Variants in SIDT1 observed in about 807,000 individuals in gnomAD.
The protein encoded by SIDT1 is SID1 transmembrane family, member 1.
In SIDT1, 101 loss-of-function variants were observed where a neutral mutation model predicts 107.5. That is an observed-to-expected ratio of 0.94 (90% CI 0.80 to 1.11). The LOEUF (loss-of-function observed/expected upper bound fraction) is 1.11. Among genes scored for constraint, SIDT1 ranks in the 50% least tolerant of loss-of-function variants. SIDT1 has a pLI of 0.00. For synonymous variants in SIDT1, 395 were observed against 398.2 expected (o/e 0.99, Z 0.10); for missense variants, 1,076 against 1,058.2 (o/e 1.02, Z -0.23).
intron 1 of SIDT1, among the ~76,000 whole-genome samples, chr3:113,539,746 TA>T (rs1389410413): frequency 6.6e-6 from 1 of 152,118 alleles, no homozygotes; most frequent in African/African-American, 2.4e-5. Context: ...TTATAAGGAA[TA>T]AAAAGGTTAT....
At chr3:113,560,162 T>G (rs1330919739) in intron 1 of SIDT1, among the ~76,000 whole-genome samples, 2 of 152,110 alleles carry the variant, frequency 1.3e-5, no homozygotes, top group African/African-American at 4.8e-5. Flanking sequence ...CCTTCCCAGA[T>G]GTAAGGTTTT....
chr3:113,541,925 CTTT>C (rs34308658), intron 1 of SIDT1, among the ~76,000 whole-genome samples: 5 of 128,208 alleles, frequency 3.9e-5, no homozygotes, highest in Non-Finnish European at 3.3e-5. Context: ...CTTTTTCTTT[CTTT>C]TTTTTTTTTT....
chr3:113,564,328 A>T (rs1056603868), intron 1 of SIDT1, among the ~76,000 whole-genome samples: 1 of 152,260 alleles, frequency 6.6e-6, no homozygotes. Context: ...AACAATTATT[A>T]AAACTGGATG....
At chr3:113,581,654 C>T (rs1291013751) in intron 6 of SIDT1, 2 of 509,706 alleles carry the variant, frequency 3.9e-6, no homozygotes, top group African/African-American at 3.9e-5. Flanking sequence ...GAGCGGATCA[C>T]CTAAAGTCAG....
At chr3:113,567,049 TA>T (rs936439884) in intron 2 of SIDT1, among the ~76,000 whole-genome samples, 19 of 152,200 alleles carry the variant, frequency 1.2e-4, no homozygotes, top group African/African-American at 3.4e-4. Context: ...ACTGCACTAA[TA>T]AAAAAAACTT....
intron 11 of SIDT1, among the ~76,000 whole-genome samples, chr3:113,602,199 T>C (rs1398430796): frequency 1.3e-5 from 2 of 152,214 alleles, no homozygotes; most frequent in African/African-American, 2.4e-5. Context: ...ATCCTAGACC[T>C]GTCTTGTTAG....
downstream of SIDT1, among the ~76,000 whole-genome samples, chr3:113,630,881 C>T (rs1034654275): frequency 1.3e-5 from 2 of 151,166 alleles, no homozygotes; most frequent in African/African-American, 4.9e-5. Flanking sequence ...AGTCTGGGAT[C>T]TCTCTCCTCC....
chr3:113,591,925 G>A (rs1032164278), intron 9 of SIDT1, among the ~76,000 whole-genome samples: 2 of 152,216 alleles, frequency 1.3e-5, no homozygotes, highest in Admixed American at 6.5e-5. Flanking sequence ...TCAATGAAAT[G>A]TGGTCTATCC....
intron 1 of SIDT1, among the ~76,000 whole-genome samples, chr3:113,540,946 A>G (rs1938762633): frequency 6.6e-6 from 1 of 152,148 alleles, no homozygotes; most frequent in African/African-American, 2.4e-5. Context: ...TTTAGACAAA[A>G]TCTAAATAAC....
intron 21 of SIDT1, 35 bp from the exon 22 acceptor site, chr3:113,623,392 C>A (rs1946610485): frequency 1.4e-6 from 2 of 1,424,146 alleles, no homozygotes; most frequent in Non-Finnish European, 2.0e-6. Flanking sequence ...ACAAATCCAC[C>A]TTCACGGCTG....
intron 16 of SIDT1, 42 bp from the exon 17 acceptor site, chr3:113,608,377 G>A (rs768817194): frequency 2.6e-6 from 4 of 1,533,946 alleles, no homozygotes; most frequent in South Asian, 1.1e-5. Flanking sequence ...GGTGGATATG[G>A]CACTATTTAG....
Position 113,608,200 on chromosome 3 carries a change from A to G in SIDT1, c.1585A>G (p.Lys529Glu). The stretch of plus-strand genomic sequence containing the variant: ...CCTCCATCGGAGAGCCCTGGAAGCC[A>G]AGGACATCTTTGCTGTGGTGAGGAA... ...DILHRRALEA[K>E]DIFAVEYGIP... The change falls in exon 16 of 25, where the codon AAG becomes GAG. Residue 529 changes from lysine to glutamate, a missense_variant. Physicochemically the swap from Lys to Glu is moderately conservative, Grantham distance 56. Coordinates refer to ENST00000264852, the MANE Select transcript of SIDT1 (RefSeq NM_017699.3). The G allele has an allele frequency of 6.2e-7, 1 of 1,600,624 alleles. No individual in the cohort carries two copies.
At chr3:113,562,912 T>C (rs1054439396) in intron 1 of SIDT1, among the ~76,000 whole-genome samples, 3 of 152,216 alleles carry the variant, frequency 2.0e-5, no homozygotes, top group African/African-American at 7.2e-5. Flanking sequence ...GTAATAAAGT[T>C]GACTACATTT....
At chr3:113,573,318 G>A (rs1245004492) in intron 3 of SIDT1, among the ~76,000 whole-genome samples, 1 of 152,196 alleles carries the variant, frequency 6.6e-6, no homozygotes, top group Non-Finnish European at 1.5e-5. Flanking sequence ...GGGCTCAGGA[G>A]ATGGCCCTGG....
chr3:113,551,824 GGTGTGTGTGTGTGTGT>G (rs56860179), intron 1 of SIDT1, among the ~76,000 whole-genome samples: 3 of 147,222 alleles, frequency 2.0e-5, no homozygotes, highest in South Asian at 2.2e-4. Context: ...AAGTTTTAGG[GGTGTGTGTGTGTGTGT>G]GTGTGTGTGT....
chr3:113,564,866 A>G (rs899440465), intron 1 of SIDT1, among the ~76,000 whole-genome samples: 2 of 152,234 alleles, frequency 1.3e-5, no homozygotes, highest in African/African-American at 4.8e-5. Context: ...TGTAGGCACA[A>G]GAAAACTCTC....
At chr3:113,608,000 C>T (rs930363863) in intron 15 of SIDT1, 94 bp from the exon 16 acceptor site, 3 of 1,329,326 alleles carry the variant, frequency 2.3e-6, no homozygotes, top group Non-Finnish European at 3.0e-6. Flanking sequence ...GGAAAACATT[C>T]ATGCTGAATT....
At chr3:113,585,140 G>T in intron 8 of SIDT1, 37 bp from the exon 9 acceptor site, 1 of 1,431,210 alleles carries the variant, frequency 7.0e-7, no homozygotes, top group South Asian at 1.1e-5. Flanking sequence ...CTTTTCTGCA[G>T]AGGATGACCT....
chr3:113,602,855 G>T, intron 11 of SIDT1, 150 bp from the exon 12 acceptor site: 1 of 702,006 alleles, frequency 1.4e-6, no homozygotes, highest in Non-Finnish European at 2.2e-6. Flanking sequence ...AGAAGGAATA[G>T]AGAGAAAGAA....
Sources: allele counts gnomAD v4.1 joint callset (sites outside exome capture counted in the v4.1 genomes callset), GRCh38; gene constraint gnomAD v4.1.1; transcripts MANE v1.5; gene names NCBI Gene and HGNC (gene_info 2026-07-23, HGNC 2026-07-21).